Variants in RUNX2 observed in about 807,000 individuals in gnomAD.
RUNX2 encodes runt-related transcription factor 2.
A neutral mutation model predicts 51.7 loss-of-function variants in RUNX2; 10 were observed. The observed-to-expected ratio is 0.19, with a 90% CI of 0.12 to 0.33. The LOEUF is 0.33. RUNX2 is among the 10% of genes least tolerant of loss of function. The pLI is 1.00. For missense variants in RUNX2, 562 were observed against 691.3 expected (o/e 0.81, Z 2.10); for synonymous variants, 276 against 273.6 (o/e 1.01, Z -0.09).
chr6:45,335,141 T>C (rs529703865), intron 2 of RUNX2, among the ~76,000 whole-genome samples: 10 of 151,230 alleles, frequency 6.6e-5, no homozygotes, highest in East Asian at 1.9e-4. Context: ...AATTTAAGCA[T>C]TGAATTTCTA....
At chr6:45,400,024 GGGAGGGAGGGAAGGAAAGAAGGAAA>G (rs1797673168) in intron 2 of RUNX2, among the ~76,000 whole-genome samples, 1 of 133,730 alleles carries the variant, frequency 7.5e-6, no homozygotes, top group Non-Finnish European at 1.6e-5. Context: ...GAAAGAAGGA[GGGAGGGAGGGAAGGAAAGAAGGAAA>G]GGAGGGAGGG....
chr6:45,422,275 A>C, intron 2 of RUNX2: 47 of 308,900 alleles, frequency 1.5e-4, no homozygotes, highest in East Asian at 2.1e-4. Context: ...TCCCCAGGCC[A>C]AACACACCCC....
In RUNX2 at chr6:45,454,024, A is replaced by G. The variant is rs116542366; in HGVS notation, c.685+15973A>G. Among the ~76,000 whole-genome samples, 966 of 152,340 alleles carry G rather than the reference A, an allele frequency of 6.3e-3. 9 individuals carry two copies. Among genetic ancestry groups the G allele is most frequent in the African/African-American group, 0.022 (906 of 41,574 alleles). On this transcript the variant is annotated intron_variant, in intron 5 of 8. Coordinates refer to ENST00000647337, the MANE Select transcript of RUNX2 (RefSeq NM_001024630.4). ...TGCAGCAGTTCCTTGGTAGAGCCAAATAGCCTGAATGAAGAGAAGGAGAGA... is the reference window on the plus strand; with the variant it reads ...TGCAGCAGTTCCTTGGTAGAGCCAAGTAGCCTGAATGAAGAGAAGGAGAGA...
chr6:45,512,896 T>C (rs1225009389), intron 7 of RUNX2, among the ~76,000 whole-genome samples: 1 of 152,060 alleles, frequency 6.6e-6, no homozygotes, highest in African/African-American at 2.4e-5. Flanking sequence ...AACTAGTCAT[T>C]TGAAGTGCTG....
intron 5 of RUNX2, among the ~76,000 whole-genome samples, chr6:45,481,494 T>C (rs1370425615): frequency 6.6e-6 from 1 of 152,214 alleles, no homozygotes; most frequent in African/African-American, 2.4e-5. Flanking sequence ...CAAGTTTTAC[T>C]AAGTTTTGGA....
chr6:45,538,188 A>C (rs921759622), intron 7 of RUNX2, among the ~76,000 whole-genome samples: 3 of 152,220 alleles, frequency 2.0e-5, no homozygotes, highest in African/African-American at 7.2e-5. Flanking sequence ...CGCAGGCCAC[A>C]GGAAAATACC....
At chr6:45,422,022 GAGCGGCGGCCGCCGCGGA>G (rs1000057431) in intron 2 of RUNX2, 4 of 148,878 alleles carry the variant, frequency 2.7e-5, no homozygotes, top group African/African-American at 9.7e-5. Context: ...CGCGCGGGGG[GAGCGGCGGCCGCCGCGGA>G]GGCGGCGGCG....
intron 2 of RUNX2, among the ~76,000 whole-genome samples, chr6:45,361,968 T>C (rs1794338603): frequency 6.6e-6 from 1 of 152,116 alleles, no homozygotes; most frequent in South Asian, 2.1e-4. Context: ...GGAAAATCAC[T>C]TGAGGCCGGG....
At chr6:45,337,497 G>T (rs1335839139) in intron 2 of RUNX2, among the ~76,000 whole-genome samples, 2 of 151,536 alleles carry the variant, frequency 1.3e-5, no homozygotes, top group South Asian at 4.2e-4. Flanking sequence ...TTAAGCTGAT[G>T]CATCTACACA....
At chr6:45,389,058 A>G (rs1797417558) in intron 2 of RUNX2, among the ~76,000 whole-genome samples, 1 of 152,198 alleles carries the variant, frequency 6.6e-6, no homozygotes, top group South Asian at 2.1e-4. Context: ...CCTCCAACAA[A>G]TGTTTCTTAA....
At chr6:45,488,861 A>G (rs1241935787) in intron 5 of RUNX2, among the ~76,000 whole-genome samples, 1 of 152,184 alleles carries the variant, frequency 6.6e-6, no homozygotes, top group African/African-American at 2.4e-5. Flanking sequence ...TCCTCACTGC[A>G]CTATGACAGA....
At chr6:45,493,200 T>C (rs1269630552) in intron 6 of RUNX2, among the ~76,000 whole-genome samples, 1 of 152,126 alleles carries the variant, frequency 6.6e-6, no homozygotes, top group Non-Finnish European at 1.5e-5. Flanking sequence ...AATGTATGAG[T>C]TTGCATGAGT....
intron 3 of RUNX2, among the ~76,000 whole-genome samples, chr6:45,430,988 AC>A (rs1242469697): frequency 6.6e-6 from 1 of 152,230 alleles, no homozygotes; most frequent in African/African-American, 2.4e-5. Context: ...TCAAAGGCAC[AC>A]ATTTGCATGT....
intron 7 of RUNX2, among the ~76,000 whole-genome samples, chr6:45,533,145 T>C (rs1417616423): frequency 6.6e-6 from 1 of 151,992 alleles, no homozygotes; most frequent in Non-Finnish European, 1.5e-5. Flanking sequence ...GGTGTGTGTG[T>C]GTGTGTGTGT....
intron 5 of RUNX2, among the ~76,000 whole-genome samples, chr6:45,491,589 A>G (rs1178349582): frequency 6.6e-6 from 1 of 150,782 alleles, no homozygotes; most frequent in Non-Finnish European, 1.5e-5. Context: ...TCATGAAACA[A>G]GCAAACACCC....
At chr6:45,393,461 C>T (rs574475514) in intron 2 of RUNX2, among the ~76,000 whole-genome samples, 10 of 151,858 alleles carry the variant, frequency 6.6e-5, no homozygotes, top group South Asian at 6.2e-4. Flanking sequence ...AACGGAGTCT[C>T]GCTGCATAGC....
rs572773088 is a variant in RUNX2 at position 45,389,306 on chromosome 6, C to A, written c.59-33287C>A. Among the ~76,000 whole-genome samples, 32 of 152,226 alleles carry A rather than the reference C, an allele frequency of 2.1e-4. No homozygotes were observed. In the South Asian group the frequency reaches 4.6e-3, roughly 22 times the overall value. ...CTTGCCATTGCTCAAATATTTGGAA[C>A]CTAACTTGGAACTACTTTCACGATC... On this transcript the variant is annotated intron_variant, in intron 2 of 8. Transcript: ENST00000647337.
At chr6:45,426,217 A>G (rs1170470193) in intron 3 of RUNX2, among the ~76,000 whole-genome samples, 1 of 152,184 alleles carries the variant, frequency 6.6e-6, no homozygotes, top group African/African-American at 2.4e-5. Context: ...ATTTTTAACA[A>G]AGTTCTGCAG....
chr6:45,333,646 A>C (rs529271390), intron 2 of RUNX2, among the ~76,000 whole-genome samples: 12 of 151,516 alleles, frequency 7.9e-5, no homozygotes, highest in African/African-American at 2.9e-4. Flanking sequence ...TATAAAAAAC[A>C]ATCATTTTTT....
Sources: gnomAD v4.1 joint callset for allele counts (sites outside exome capture counted in the v4.1 genomes callset) on GRCh38, gnomAD v4.1.1 for gene constraint, MANE v1.5 for transcripts, NCBI Gene and HGNC (gene_info 2026-07-23, HGNC 2026-07-21) for gene names.